Variants in TNNI3K observed in about 807,000 individuals in gnomAD.
The protein encoded by TNNI3K is serine/threonine-protein kinase TNNI3K.
TNNI3K carries 140 observed loss-of-function variants against 114.5 expected under a neutral mutation model. The observed-to-expected ratio is 1.22, with a 90% CI of 1.07 to 1.41. TNNI3K has a LOEUF of 1.41. Ranked by LOEUF, TNNI3K falls within the 40% of genes most tolerant of loss-of-function variation. The pLI is 0.00. For synonymous variants in TNNI3K, 347 were observed against 347.5 expected, an observed-to-expected ratio of 1.00 and a Z score of 0.02; for missense variants, 1,125 against 1,007.6, an observed-to-expected ratio of 1.12 and a Z score of -1.58.
At chr1:74,414,454 C>T (rs916652882) in intron 17 of TNNI3K, among the ~76,000 whole-genome samples, 1 of 152,122 alleles carries the variant, frequency 6.6e-6, no homozygotes, top group Admixed American at 6.6e-5. Context: ...TGTCAAGCAA[C>T]GGATGGAAAA....
chr1:74,489,907 G>A (rs1048544174), intron 22 of TNNI3K, among the ~76,000 whole-genome samples: 3 of 151,976 alleles, frequency 2.0e-5, no homozygotes, highest in Non-Finnish European at 2.9e-5. Context: ...ACTGGTGGAG[G>A]AAGACATACA....
intron 2 of TNNI3K, among the ~76,000 whole-genome samples, chr1:74,245,089 CA>C (rs1654472154): frequency 6.6e-6 from 1 of 152,148 alleles, no homozygotes; most frequent in Non-Finnish European, 1.5e-5. Context: ...CACTCACACA[CA>C]AAATCTCACA....
intron 9 of TNNI3K, among the ~76,000 whole-genome samples, chr1:74,350,331 G>T (rs907795791): frequency 6.6e-6 from 1 of 152,178 alleles, no homozygotes; most frequent in Non-Finnish European, 1.5e-5. Flanking sequence ...TGGTCTGAAA[G>T]TCAGTTTGTT....
intron 20 of TNNI3K, among the ~76,000 whole-genome samples, chr1:74,442,565 C>T (rs1173306473): frequency 3.3e-5 from 5 of 151,958 alleles, no homozygotes; most frequent in East Asian, 1.9e-4. Flanking sequence ...ACATCTTAAC[C>T]GTGTTAGTCT....
At chr1:74,327,749 G>T (rs1570470587) in intron 5 of TNNI3K, among the ~76,000 whole-genome samples, 1 of 146,490 alleles carries the variant, frequency 6.8e-6, no homozygotes. Flanking sequence ...ATAATATTAA[G>T]ATGTATATTT....
At chr1:74,277,929 T>A (rs1038374160) in intron 5 of TNNI3K, among the ~76,000 whole-genome samples, 1 of 152,220 alleles carries the variant, frequency 6.6e-6, no homozygotes, top group African/African-American at 2.4e-5. Context: ...TTCCCAGTTA[T>A]TTTGGAACTT....
At chr1:74,318,044 TC>T (rs2100373298) in intron 5 of TNNI3K, among the ~76,000 whole-genome samples, 1 of 152,340 alleles carries the variant, frequency 6.6e-6, no homozygotes, top group East Asian at 1.9e-4. Context: ...TGTCTGAATT[TC>T]CCCTTTTATA....
In TNNI3K at chr1:74,331,517, T is replaced by G; in HGVS notation, c.512T>G (p.Leu171Trp). ...NIQDAVFFTP[L>W]HIAAYYGHEQ... Reference sequence around the variant, plus strand: ...CAAGATGCAGTTTTTTTCACTCCATTGCATATTGCAGCGTACTATGGACAT... The same window carrying G: ...CAAGATGCAGTTTTTTTCACTCCATGGCATATTGCAGCGTACTATGGACAT... The change falls in exon 6 of 25, where the codon TTG becomes TGG. Residue 171 changes from leucine (L) to tryptophan (W), a missense_variant. Transcript: ENST00000326637. 6 of 1,613,752 alleles carry G rather than the reference T, an allele frequency of 3.7e-6. No individual in the cohort carries two copies. The highest frequency in any genetic ancestry group is 5.1e-6 in the Non-Finnish European group (6 of 1,179,814).
intron 21 of TNNI3K, chr1:74,464,764 C>A (rs765533606): frequency 6.4e-7 from 1 of 1,554,176 alleles, no homozygotes; most frequent in Non-Finnish European, 8.7e-7. Context: ...GGCCATTCAA[C>A]CTGATGTGTT....
intron 17 of TNNI3K, among the ~76,000 whole-genome samples, chr1:74,385,260 G>A (rs1439679066): frequency 2.0e-5 from 3 of 152,068 alleles, no homozygotes; most frequent in African/African-American, 4.8e-5. Flanking sequence ...ATTGCAAGAG[G>A]GACCATGAAT....
intron 4 of TNNI3K, among the ~76,000 whole-genome samples, chr1:74,268,025 A>G (rs1656109686): frequency 6.6e-6 from 1 of 151,958 alleles, no homozygotes; most frequent in Admixed American, 6.6e-5. Context: ...ATTCATTAAT[A>G]AATATTTGTT....
At chr1:74,312,980 A>C (rs1454868465) in intron 5 of TNNI3K, among the ~76,000 whole-genome samples, 1 of 152,092 alleles carries the variant, frequency 6.6e-6, no homozygotes, top group African/African-American at 2.4e-5. Context: ...CTGTTTTAGA[A>C]CCAATCTGTA....
At chr1:74,291,316 T>G (rs1453002389) in intron 5 of TNNI3K, among the ~76,000 whole-genome samples, 3 of 151,664 alleles carry the variant, frequency 2.0e-5, no homozygotes, top group Non-Finnish European at 3.0e-5. Context: ...AAAGGCATAT[T>G]TTTGTGACTT....
At chr1:74,381,490 A>G (rs748219449) in intron 17 of TNNI3K, among the ~76,000 whole-genome samples, 2 of 152,116 alleles carry the variant, frequency 1.3e-5, no homozygotes, top group Non-Finnish European at 2.9e-5. Context: ...CTAATGATCT[A>G]GCTCTCCTTT....
chr1:74,270,408 A>G (rs1029667399), intron 4 of TNNI3K, among the ~76,000 whole-genome samples: 6 of 151,726 alleles, frequency 4.0e-5, no homozygotes, highest in Non-Finnish European at 5.9e-5. Context: ...CGGAGAAAAC[A>G]TAAGTTTATA....
chr1:74,448,017 A>G (rs1360121320), intron 20 of TNNI3K, among the ~76,000 whole-genome samples: 54 of 44,906 alleles, frequency 1.2e-3, no homozygotes, highest in Admixed American at 2.5e-3. Flanking sequence ...AGAACAAAAA[A>G]CCAAACACCG....
At position 74,483,140 on chromosome 1, in the gene TNNI3K, T is replaced by C. The variant is rs1668586140; in HGVS notation, c.2122-6049T>C. Reference sequence around the variant, plus strand: ...CAGTCTCTTTAGTCATTGTATGAAGTGTACTCATTAAAGGGTTACCTCTTA... The same window carrying C: ...CAGTCTCTTTAGTCATTGTATGAAGCGTACTCATTAAAGGGTTACCTCTTA... On this transcript the variant is annotated intron_variant, in intron 21 of 24. Coordinates refer to ENST00000326637, the MANE Select transcript of TNNI3K (RefSeq NM_015978.3). The C allele has an allele frequency of 8.8e-6, 5 of 567,582 alleles. No individual in the cohort carries two copies. The East Asian group carries it at 1.5e-4, about 17-fold the overall frequency. The allele number at this position is 567,582 out of a possible 1,614,324, so 35.2% of individuals were successfully genotyped here.
At chr1:74,417,140 A>G (rs1665156382) in intron 17 of TNNI3K, among the ~76,000 whole-genome samples, 2 of 152,140 alleles carry the variant, frequency 1.3e-5, no homozygotes, top group African/African-American at 2.4e-5. Context: ...GAAATGCGTA[A>G]TAATGGCATT....
intron 4 of TNNI3K, among the ~76,000 whole-genome samples, chr1:74,252,696 C>G (rs1202275241): frequency 6.6e-6 from 1 of 152,120 alleles, no homozygotes; most frequent in East Asian, 1.9e-4. Context: ...AGTGTTACAG[C>G]TCTTAAGGCG....
Sources: allele counts gnomAD v4.1 joint callset (sites outside exome capture counted in the v4.1 genomes callset), GRCh38; gene constraint gnomAD v4.1.1; transcripts MANE v1.5; gene names NCBI Gene and HGNC (gene_info 2026-07-23, HGNC 2026-07-21).